The following SLC71A1 variants were observed in gnomAD, a reference collection of about 807,000 sequenced individuals.
SLC71A1 encodes solute carrier family 71 member 1, also known as hippocampus abundant gene transcript 1.
chr1:100,081,441 G>A, the SLC71A1 span, among the ~76,000 whole-genome samples: 1 of 152,046 alleles, frequency 6.6e-6, no homozygotes, highest in Non-Finnish European at 1.5e-5. Context: ...GCACAATCTT[G>A]GCTCTCTGCA....
the SLC71A1 span, among the ~76,000 whole-genome samples, chr1:100,076,247 T>A: frequency 1.3e-5 from 2 of 152,176 alleles, no homozygotes; most frequent in African/African-American, 4.8e-5. Context: ...ATTTTATGAG[T>A]TTTAAAGTGT....
chr1:100,069,822 T>G, the SLC71A1 span: 5 of 665,854 alleles, frequency 7.5e-6, no homozygotes, highest in African/African-American at 9.0e-5. Context: ...AAATTCAATT[T>G]GTTTGTGTAG....
chr1:100,063,760 C>T, the SLC71A1 span, among the ~76,000 whole-genome samples: 17 of 152,198 alleles, frequency 1.1e-4, no homozygotes, highest in East Asian at 3.9e-4. Context: ...CGCACCACTG[C>T]GCTCCAACAT....
the SLC71A1 span, among the ~76,000 whole-genome samples, chr1:100,054,841 A>G: frequency 1.3e-5 from 2 of 152,216 alleles, no homozygotes; most frequent in African/African-American, 4.8e-5. Flanking sequence ...ATTACTTGTT[A>G]TATTTGTCTG....
chr1:100,065,507 CCACTTTTCACTTT>C, the SLC71A1 span, among the ~76,000 whole-genome samples: 1 of 133,504 alleles, frequency 7.5e-6, no homozygotes, highest in Admixed American at 7.7e-5. Flanking sequence ...CCTCCCCTTT[CCACTTTTCACTTT>C]CACTTTCCCC....
the SLC71A1 span, among the ~76,000 whole-genome samples, chr1:100,051,943 T>C: frequency 6.6e-6 from 1 of 152,204 alleles, no homozygotes; most frequent in African/African-American, 2.4e-5. Context: ...ATTAGCCTCA[T>C]AATACAGATG....
At chr1:100,051,599 C>A in the SLC71A1 span, among the ~76,000 whole-genome samples, 1 of 152,128 alleles carries the variant, frequency 6.6e-6, no homozygotes, top group African/African-American at 2.4e-5. Context: ...TTCATAACTT[C>A]ATTGAATTGT....
chr1:100,073,552 T>C, the SLC71A1 span, among the ~76,000 whole-genome samples: 1 of 152,194 alleles, frequency 6.6e-6, no homozygotes, highest in East Asian at 1.9e-4. Flanking sequence ...TGGATCCTGG[T>C]TTAAGCAGCA....
the SLC71A1 span, among the ~76,000 whole-genome samples, chr1:100,073,185 C>T: frequency 3.9e-5 from 6 of 152,156 alleles, no homozygotes; most frequent in East Asian, 1.9e-4. Flanking sequence ...TGAATCAGAG[C>T]GTTTCTGATA....
At chr1:100,078,551 G>A in the SLC71A1 span, 1 of 1,584,464 alleles carries the variant, frequency 6.3e-7, no homozygotes, top group Admixed American at 1.7e-5. Context: ...TCAACAGGGT[G>A]AGTTGATAGG....
chr1:100,052,908 C>T, the SLC71A1 span, among the ~76,000 whole-genome samples: 1 of 152,006 alleles, frequency 6.6e-6, no homozygotes, highest in African/African-American at 2.4e-5. Context: ...CTCAGCCTCC[C>T]GAGTAGCTGG....
the SLC71A1 span, among the ~76,000 whole-genome samples, chr1:100,056,019 G>A: frequency 5.3e-5 from 8 of 152,194 alleles, no homozygotes; most frequent in African/African-American, 1.9e-4. Flanking sequence ...CCAAGGTGCT[G>A]GGATTACAGG....
At chr1:100,070,569 A>G in the SLC71A1 span, among the ~76,000 whole-genome samples, 1 of 152,160 alleles carries the variant, frequency 6.6e-6, no homozygotes, top group African/African-American at 2.4e-5. Context: ...GATGAATAAG[A>G]TATTAATCAA....
the SLC71A1 span, among the ~76,000 whole-genome samples, chr1:100,059,144 G>GGTTTTTTTTTTTTTTTT: frequency 1.3e-5 from 1 of 75,416 alleles, no homozygotes; most frequent in African/African-American, 5.9e-5. Flanking sequence ...TCTTTTTCGT[G>GGTTTTTTTTTTTTTTTT]TTTTTTTTTT....
chr1:100,049,804 T>A, the SLC71A1 span: 1 of 639,706 alleles, frequency 1.6e-6, no homozygotes, highest in Non-Finnish European at 2.7e-6. Context: ...CCAGTACATA[T>A]ATGATCTTAA....
the SLC71A1 span, chr1:100,038,294 T>C: frequency 1.3e-6 from 2 of 1,558,112 alleles, no homozygotes; most frequent in Admixed American, 1.9e-5. Context: ...GCCAAGAAGA[T>C]CATCATTAAG....
At chr1:100,067,896 A>G in the SLC71A1 span, 5 of 1,081,490 alleles carry the variant, frequency 4.6e-6, no homozygotes, top group Admixed American at 8.9e-5. Context: ...CCTGACATAA[A>G]TCAAGATTAT....
At chr1:100,057,579 T>A in the SLC71A1 span, among the ~76,000 whole-genome samples, 1 of 152,116 alleles carries the variant, frequency 6.6e-6, no homozygotes, top group Non-Finnish European at 1.5e-5. Flanking sequence ...GGTCTTGAAC[T>A]CCCACCTCAG....
At chr1:100,075,047 T>C in the SLC71A1 span, among the ~76,000 whole-genome samples, 4 of 152,230 alleles carry the variant, frequency 2.6e-5, no homozygotes, top group Non-Finnish European at 5.9e-5. Context: ...GATAAGTACT[T>C]ACTGGCTAGA....
Sources: allele counts gnomAD v4.1 joint callset (sites outside exome capture counted in the v4.1 genomes callset), GRCh38; gene constraint gnomAD v4.1.1; transcripts MANE v1.5; gene names NCBI Gene and HGNC (gene_info 2026-07-23, HGNC 2026-07-21).